The following APPBP2 variants were observed in gnomAD, a reference collection of about 807,000 sequenced individuals.
APPBP2 encodes amyloid beta precursor protein binding protein 2.
Under a neutral mutation model 76.0 loss-of-function variants are expected in APPBP2, and 15 were observed. That is an observed-to-expected ratio of 0.20 (90% CI 0.13 to 0.30). The LOEUF (loss-of-function observed/expected upper bound fraction) is 0.30. APPBP2 is among the 10% of genes least tolerant of loss of function. APPBP2 has a pLI of 1.00. For synonymous variants in APPBP2, 222 were observed against 242.2 expected, an observed-to-expected ratio of 0.92 and a Z score of 0.77; for missense variants, 401 against 687.2, an observed-to-expected ratio of 0.58 and a Z score of 4.66.
chr17:60,520,796 A>C (rs2091004250), intron 1 of APPBP2, among the ~76,000 whole-genome samples: 1 of 152,132 alleles, frequency 6.6e-6, no homozygotes, highest in East Asian at 1.9e-4. Context: ...TCCTGGACTC[A>C]AGAGATCCTC....
At chr17:60,472,091 A>G (rs969103615) in intron 4 of APPBP2, among the ~76,000 whole-genome samples, 21 of 152,222 alleles carry the variant, frequency 1.4e-4, no homozygotes, top group Non-Finnish European at 2.5e-4. Flanking sequence ...GTGCCACTGC[A>G]CTCCAGCCTG....
intron 1 of APPBP2, among the ~76,000 whole-genome samples, chr17:60,503,682 G>A (rs1348213502): frequency 2.7e-5 from 4 of 146,586 alleles, no homozygotes; most frequent in Non-Finnish European, 5.9e-5. Flanking sequence ...CACCGTGCCC[G>A]GCCTGAAATT....
chr17:60,485,620 T>C (rs990767231), intron 3 of APPBP2, among the ~76,000 whole-genome samples: 1 of 152,212 alleles, frequency 6.6e-6, no homozygotes. Context: ...TAGTGGTCTA[T>C]CAATTTTGTT....
At chr17:60,485,697 C>G (rs2090670404) in intron 3 of APPBP2, among the ~76,000 whole-genome samples, 1 of 152,160 alleles carries the variant, frequency 6.6e-6, no homozygotes, top group African/African-American at 2.4e-5. Context: ...GTCTCTATCT[C>G]CTTCAGTTCT....
chr17:60,507,785 G>A (rs562920237), intron 1 of APPBP2, among the ~76,000 whole-genome samples: 1 of 152,100 alleles, frequency 6.6e-6, no homozygotes. Context: ...CAGACTATAA[G>A]CACCTTTCAT....
intron 2 of APPBP2, among the ~76,000 whole-genome samples, chr17:60,500,158 C>A (rs1279732576): frequency 6.6e-6 from 1 of 152,018 alleles, no homozygotes; most frequent in East Asian, 1.9e-4. Context: ...ACTAAGGCGC[C>A]TACCACCACG....
chr17:60,518,521 T>A (rs1327866155), intron 1 of APPBP2, among the ~76,000 whole-genome samples: 1 of 151,518 alleles, frequency 6.6e-6, no homozygotes, highest in Non-Finnish European at 1.5e-5. Flanking sequence ...TGTGTGTGTG[T>A]GTGTGTGAAA....
At chr17:60,472,953 A>G (rs2090563994) in intron 4 of APPBP2, among the ~76,000 whole-genome samples, 1 of 152,118 alleles carries the variant, frequency 6.6e-6, no homozygotes, top group Non-Finnish European at 1.5e-5. Context: ...AATGACTTTT[A>G]TCCTGAATTC....
intron 1 of APPBP2, among the ~76,000 whole-genome samples, 176 bp downstream of exon 1, chr17:60,525,617 AG>A (rs2091046820): frequency 6.6e-6 from 1 of 152,204 alleles, no homozygotes; most frequent in African/African-American, 2.4e-5. Flanking sequence ...CTTAAGAGAC[AG>A]GGCATAGGGA....
intron 11 of APPBP2, 57 bp from the exon 12 acceptor site, chr17:60,452,102 TACTC>T (rs1476072611): frequency 1.3e-6 from 2 of 1,548,716 alleles, no homozygotes; most frequent in South Asian, 1.2e-5. Flanking sequence ...TAACAGTTCT[TACTC>T]AATGAGCAAA....
intron 1 of APPBP2, among the ~76,000 whole-genome samples, chr17:60,501,997 T>C (rs966897094): frequency 6.6e-6 from 1 of 152,232 alleles, no homozygotes; most frequent in African/African-American, 2.4e-5. Context: ...CTTCATGTAA[T>C]AGTTAGACAT....
intron 11 of APPBP2, among the ~76,000 whole-genome samples, chr17:60,453,140 ATT>A (rs1307669328): frequency 5.9e-5 from 9 of 152,020 alleles, no homozygotes; most frequent in African/African-American, 2.2e-4. Context: ...TAGCAATCAT[ATT>A]TGTCTTTTTT....
intron 1 of APPBP2, among the ~76,000 whole-genome samples, chr17:60,517,768 T>C (rs1010758731): frequency 2.6e-5 from 4 of 152,234 alleles, no homozygotes; most frequent in African/African-American, 9.6e-5. Context: ...CATATTACCT[T>C]AATTGTTATA....
At chr17:60,482,459 A>G (rs867967264) in intron 3 of APPBP2, among the ~76,000 whole-genome samples, 7 of 152,214 alleles carry the variant, frequency 4.6e-5, no homozygotes, top group African/African-American at 1.7e-4. Context: ...AAAATTTATT[A>G]TTATTATACT....
At chr17:60,488,459 G>A (rs552229289) in intron 3 of APPBP2, among the ~76,000 whole-genome samples, 6 of 152,298 alleles carry the variant, frequency 3.9e-5, no homozygotes, top group Admixed American at 2.6e-4. Context: ...GTCCAGAACA[G>A]GCAAATCTAT....
intron 9 of APPBP2, among the ~76,000 whole-genome samples, chr17:60,457,317 C>T (rs1459614588): frequency 6.6e-6 from 1 of 152,164 alleles, no homozygotes; most frequent in Non-Finnish European, 1.5e-5. Context: ...CCCCCACCCT[C>T]CAGGTAACCA....
Position 60,443,537 on chromosome 17 carries a change from G to A in APPBP2, c.*4044C>T, listed in dbSNP as rs1049182126. The A allele has an allele frequency of 1.3e-5, 2 of 152,522 alleles. No individual in the cohort carries two copies. The highest frequency in any genetic ancestry group is 2.4e-5 in the African/African-American group (1 of 41,394). 9.4% of individuals were successfully genotyped at this position (152,522 alleles called of 1,614,324 possible). ...CTGACCTGGTAATATTTAATAAAAC[G>A]TAGCATTCATTCACATCATAAAAGT... On this transcript the variant is annotated 3_prime_UTR_variant, in exon 13 of 13. Coordinates refer to ENST00000083182, the MANE Select transcript of APPBP2 (RefSeq NM_006380.5).
At chr17:60,517,614 C>G (rs1272300473) in intron 1 of APPBP2, among the ~76,000 whole-genome samples, 1 of 152,142 alleles carries the variant, frequency 6.6e-6, no homozygotes, top group African/African-American at 2.4e-5. Flanking sequence ...AATTAATTAA[C>G]CAATACCATT....
At chr17:60,499,016 T>C (rs1161475194) in intron 2 of APPBP2, among the ~76,000 whole-genome samples, 1 of 151,658 alleles carries the variant, frequency 6.6e-6, no homozygotes, top group Non-Finnish European at 1.5e-5. Flanking sequence ...CGTAACTTCA[T>C]GCATTAAAAA....
Sources: gnomAD v4.1 joint callset for allele counts (sites outside exome capture counted in the v4.1 genomes callset) on GRCh38, gnomAD v4.1.1 for gene constraint, MANE v1.5 for transcripts, NCBI Gene and HGNC (gene_info 2026-07-23, HGNC 2026-07-21) for gene names.